ATXN2: variants seen among roughly 807,000 people sequenced by gnomAD.
ATXN2 encodes ataxin-2.
In ATXN2, 37 loss-of-function variants were observed where a neutral mutation model predicts 138.6. The observed-to-expected ratio is 0.27, with a 90% CI of 0.21 to 0.35. The LOEUF is 0.35. Among genes scored for constraint, ATXN2 ranks in the 10% least tolerant of loss-of-function variants. ATXN2 has a pLI of 1.00. For missense variants in ATXN2, 1,216 were observed against 1,480.3 expected, an observed-to-expected ratio of 0.82 and a Z score of 2.93; for synonymous variants, 549 against 543.7, an observed-to-expected ratio of 1.01 and a Z score of -0.13.
chr12:111,573,898 G>A (rs1883479973), intron 1 of ATXN2, among the ~76,000 whole-genome samples: 1 of 148,896 alleles, frequency 6.7e-6, no homozygotes, highest in Non-Finnish European at 1.5e-5. Flanking sequence ...AGAAAAAATG[G>A]CCACTACTAC....
intron 12 of ATXN2, 50 bp downstream of exon 12, chr12:111,510,335 A>T: frequency 1.9e-6 from 3 of 1,566,080 alleles, no homozygotes; most frequent in Non-Finnish European, 2.6e-6. Context: ...ACCCTCTAAC[A>T]TTCAATTTCA....
chr12:111,518,268 G>C lies in ATXN2; in HGVS notation c.1146C>G (p.Asp382Glu). ...TSDFNPNSGS[D>E]QRVVNGGVPW... ...ACTTGCCTCCATTAACTACTCTTTGGTCTGAACCAGAATTCGGGTTGAAAT... is the reference window on the plus strand; with the variant it reads ...ACTTGCCTCCATTAACTACTCTTTGCTCTGAACCAGAATTCGGGTTGAAAT... Residue 382 changes from aspartate (D) to glutamate (E), a missense_variant, in exon 9 of 25, where the codon GAC becomes GAG. Transcript: ENST00000673436. 1 of 1,606,996 alleles carries C rather than the reference G, an allele frequency of 6.2e-7. No homozygotes were observed. The highest frequency in any genetic ancestry group is 8.5e-7 in the Non-Finnish European group (1 of 1,175,282).
chr12:111,565,204 A>G (rs1248783308), intron 1 of ATXN2, among the ~76,000 whole-genome samples: 5 of 152,140 alleles, frequency 3.3e-5, no homozygotes, highest in Non-Finnish European at 7.4e-5. Context: ...ATGTGATGGC[A>G]ATACATGCAT....
chr12:111,516,005 G>A lies in ATXN2; in HGVS notation c.1375+149C>T. ...TCAAATTTCTCTCTAATGAACAAAA[G>A]GTTAATAGAAATAGTTTTAATAAAC... On this transcript the variant is annotated intron_variant, in intron 10 of 24. Coordinates refer to ENST00000673436, the MANE Select transcript of ATXN2 (RefSeq NM_001372574.1). This position sits in a 1 kb window ranked among gnomAD's most constrained non-coding sequence, Gnocchi z 5.0. The A allele has an allele frequency of 1.4e-6, 1 of 738,156 alleles. No individual in the cohort carries two copies. Among genetic ancestry groups the A allele is most frequent in the East Asian group, 3.2e-5 (1 of 31,146 alleles). 45.7% of individuals were successfully genotyped at this position (738,156 alleles called of 1,614,324 possible). A position where few individuals can be genotyped will look rare whatever the true frequency, so the allele number is the denominator to read the frequency against.
At chr12:111,567,571 T>C (rs1266517941) in intron 1 of ATXN2, among the ~76,000 whole-genome samples, 1 of 151,474 alleles carries the variant, frequency 6.6e-6, no homozygotes, top group African/African-American at 2.4e-5. Flanking sequence ...CCCAGCACTT[T>C]GGGAGACCAA....
chr12:111,477,027 C>A (rs7298960), intron 18 of ATXN2, among the ~76,000 whole-genome samples: 15,540 of 151,962 alleles, frequency 0.1, 2,653 homozygotes, highest in African/African-American at 0.35. Context: ...GACACACATA[C>A]AATACAGTCA....
At chr12:111,519,692 G>A (rs1427011673) in intron 8 of ATXN2, 187 bp downstream of exon 8, 2 of 1,116,074 alleles carry the variant, frequency 1.8e-6, no homozygotes, top group Non-Finnish European at 2.5e-6. Flanking sequence ...GCTCCACAGA[G>A]CTTACTCTCA....
intron 14 of ATXN2, among the ~76,000 whole-genome samples, chr12:111,497,639 T>A (rs1296365174): frequency 6.6e-6 from 1 of 151,154 alleles, no homozygotes; most frequent in Non-Finnish European, 1.5e-5. Context: ...ATATATATAT[T>A]ATTTATACTG....
chr12:111,581,695 G>C (rs1473406409), intron 1 of ATXN2: 27 of 683,194 alleles, frequency 4.0e-5, no homozygotes, highest in Admixed American at 7.9e-5. Flanking sequence ...CCAAGTGCCT[G>C]AACATCTGGG....
intron 1 of ATXN2, among the ~76,000 whole-genome samples, chr12:111,574,409 A>G (rs1373289551): frequency 1.3e-5 from 2 of 150,906 alleles, no homozygotes; most frequent in Non-Finnish European, 2.9e-5. Context: ...TCACAAATGT[A>G]AATTCCTCAT....
intron 18 of ATXN2, among the ~76,000 whole-genome samples, chr12:111,475,524 C>G (rs1314246012): frequency 1.6e-5 from 2 of 122,156 alleles, no homozygotes; most frequent in African/African-American, 6.3e-5. Flanking sequence ...GAATCTTGCT[C>G]TGTCACCCAG....
At chr12:111,574,392 G>T (rs937528271) in intron 1 of ATXN2, among the ~76,000 whole-genome samples, 2 of 149,124 alleles carry the variant, frequency 1.3e-5, no homozygotes, top group Non-Finnish European at 3.0e-5. Context: ...CCTGAATTCC[G>T]TATCTGTCAC....
rs554488994 is a variant in ATXN2 at position 111,469,617 on chromosome 12, A to T, written c.2842+491T>A. ...TCTAAAATATATCTAATATGACATAATATTCAACCATTAAAATACAGCATG... is the reference window on the plus strand; with the variant it reads ...TCTAAAATATATCTAATATGACATATTATTCAACCATTAAAATACAGCATG... On this transcript the variant is annotated intron_variant, in intron 20 of 24. Coordinates refer to ENST00000673436, the MANE Select transcript of ATXN2 (RefSeq NM_001372574.1). 6.1e-5 allele frequency: 5 copies of T among 82,244 alleles called. No homozygotes were observed. The East Asian group carries it at 0.016, about 263-fold the overall frequency. The allele number at this position is 82,244 out of a possible 1,614,324, so 5.1% of individuals were successfully genotyped here. A position where few individuals can be genotyped will look rare whatever the true frequency, so the allele number is the denominator to read the frequency against.
chr12:111,590,286 T>C (rs1884587559), intron 1 of ATXN2, among the ~76,000 whole-genome samples: 1 of 151,840 alleles, frequency 6.6e-6, no homozygotes, highest in African/African-American at 2.4e-5. Flanking sequence ...CCACATACAT[T>C]AAAAACAAAG....
chr12:111,577,419 C>T (rs1883733943), intron 1 of ATXN2, among the ~76,000 whole-genome samples: 1 of 151,942 alleles, frequency 6.6e-6, no homozygotes, highest in South Asian at 2.1e-4. Flanking sequence ...GCGCCCGCCA[C>T]CACACCCGGT....
At chr12:111,457,558 G>A (rs1392928544) in intron 21 of ATXN2, 199 bp from the exon 22 acceptor site, 1 of 552,920 alleles carries the variant, frequency 1.8e-6, no homozygotes. Flanking sequence ...ACTAGCATTT[G>A]GTTCATATAA....
intron 1 of ATXN2, among the ~76,000 whole-genome samples, chr12:111,579,647 C>T (rs1883874769): frequency 6.6e-6 from 1 of 151,728 alleles, no homozygotes; most frequent in African/African-American, 2.4e-5. Context: ...CAATAGACTA[C>T]TACTCAACAA....
At chr12:111,585,857 C>T (rs1413852841) in intron 1 of ATXN2, among the ~76,000 whole-genome samples, 5 of 139,206 alleles carry the variant, frequency 3.6e-5, no homozygotes, top group African/African-American at 1.3e-4. Flanking sequence ...ACTTGTTGAG[C>T]TCTTGTGTCT....
rs924655081 is a variant in ATXN2, at chr12:111,482,281, G to A, written c.2524+2984C>T. On this transcript the variant is annotated intron_variant, in intron 18 of 24. Transcript: ENST00000673436. ...ACCATCTCAGCTCACTGCCAGCTCTGCCTCCCAGGTTCATGCCATTCTCCT... is the reference window on the plus strand; with the variant it reads ...ACCATCTCAGCTCACTGCCAGCTCTACCTCCCAGGTTCATGCCATTCTCCT... Among the ~76,000 whole-genome samples, 3 of 145,002 alleles carry A rather than the reference G, an allele frequency of 2.1e-5. No individual in the cohort carries two copies. The Admixed American group carries it at 2.2e-4, about 11-fold the overall frequency.
Sources: allele counts gnomAD v4.1 joint callset (sites outside exome capture counted in the v4.1 genomes callset), GRCh38; gene constraint gnomAD v4.1.1; non-coding constraint Gnocchi (gnomAD v3.1); transcripts MANE v1.5; gene names NCBI Gene and HGNC (gene_info 2026-07-23, HGNC 2026-07-21).